The following PTPRN2 variants were observed in gnomAD, a reference collection of about 807,000 sequenced individuals.
PTPRN2 encodes protein tyrosine phosphatase receptor type N2.
A neutral mutation model predicts 118.8 loss-of-function variants in PTPRN2; 74 were observed. That is an observed-to-expected ratio of 0.62 (90% CI 0.52 to 0.76). The LOEUF is 0.76. PTPRN2 is among the 30% of genes least tolerant of loss of function. The probability of loss-of-function intolerance (pLI) is 0.00; values close to 1 mark genes in which losing one functional copy is unlikely to be tolerated. For missense variants in PTPRN2, 1,481 were observed against 1,394.4 expected (o/e 1.06, Z -0.99); for synonymous variants, 641 against 608.0 (o/e 1.05, Z -0.80).
At chr7:158,397,178 C>G (rs890727693) in intron 2 of PTPRN2, among the ~76,000 whole-genome samples, 23 of 152,208 alleles carry the variant, frequency 1.5e-4, no homozygotes, top group Admixed American at 6.5e-4. Context: ...TCCTTCCTTG[C>G]GTAATCTCAA....
At chr7:158,557,647 TG>T (rs1224908977) in intron 1 of PTPRN2, among the ~76,000 whole-genome samples, 5 of 152,368 alleles carry the variant, frequency 3.3e-5, no homozygotes, top group South Asian at 2.1e-4. Flanking sequence ...ATCATGTAGC[TG>T]TATTTCTGGG....
chr7:157,803,682 C>A (rs571453271), intron 12 of PTPRN2, among the ~76,000 whole-genome samples: 37 of 152,156 alleles, frequency 2.4e-4, no homozygotes, highest in African/African-American at 8.7e-4. Flanking sequence ...TGTGAAGAGG[C>A]GACCCTTCCC....
intron 17 of PTPRN2, among the ~76,000 whole-genome samples, chr7:157,588,339 A>T (rs1800792988): frequency 6.6e-6 from 1 of 152,222 alleles, no homozygotes; most frequent in African/African-American, 2.4e-5. Flanking sequence ...GTGGCGCAGC[A>T]GGTGCAGGCA....
rs184046687 is a variant in PTPRN2, at chr7:157,654,008, C to T, written c.2196+2349G>A. Among the ~76,000 whole-genome samples, 377 of 128,070 alleles carry T rather than the reference C, an allele frequency of 2.9e-3. 10 individuals are homozygous for T. The highest frequency in any genetic ancestry group is 0.011 in the African/African-American group (347 of 31,836). 84.0% of individuals were successfully genotyped at this position (128,070 alleles called of 152,430 possible). A position where few individuals can be genotyped will look rare whatever the true frequency, so the allele number is the denominator to read the frequency against. ...TGCCCGCCGCTCCCCACACCCACCC[C>T]GACTCCACACGACGCCCGCCTCTCC... On this transcript the variant is annotated intron_variant, in intron 14 of 22. Transcript: ENST00000389418.
intron 11 of PTPRN2, among the ~76,000 whole-genome samples, chr7:158,062,063 C>A (rs556976542): frequency 1.3e-5 from 2 of 152,248 alleles, no homozygotes; most frequent in Non-Finnish European, 2.9e-5. Context: ...CACCTTGGTG[C>A]GGAAGCCCAG....
intron 2 of PTPRN2, among the ~76,000 whole-genome samples, chr7:158,373,357 C>G (rs879743939): frequency 6.7e-6 from 1 of 150,056 alleles, no homozygotes; most frequent in Non-Finnish European, 1.5e-5. Flanking sequence ...ACTTCTATTC[C>G]AACTGAGTGT....
intron 3 of PTPRN2, among the ~76,000 whole-genome samples, chr7:158,252,724 G>A (rs1489857574): frequency 3.3e-5 from 5 of 152,206 alleles, no homozygotes; most frequent in East Asian, 3.9e-4. Context: ...CAGTTAGATC[G>A]AGTCCAAGCA....
chr7:158,277,722 G>A (rs920786231), intron 3 of PTPRN2, among the ~76,000 whole-genome samples: 7 of 152,150 alleles, frequency 4.6e-5, no homozygotes, highest in African/African-American at 9.7e-5. Flanking sequence ...AACTCTGTAC[G>A]GTCCTCCCTA....
At chr7:158,342,371 A>G (rs1807055172) in intron 2 of PTPRN2, among the ~76,000 whole-genome samples, 1 of 146,004 alleles carries the variant, frequency 6.8e-6, no homozygotes, top group Non-Finnish European at 1.5e-5. Flanking sequence ...CCACACTCTC[A>G]CCATAAGAGC....
intron 1 of PTPRN2, among the ~76,000 whole-genome samples, chr7:158,519,600 TC>T (rs1191000295): frequency 6.6e-5 from 10 of 152,072 alleles, no homozygotes; most frequent in African/African-American, 1.9e-4. Context: ...TCTCCTGCAC[TC>T]TCCATGTTGA....
intron 12 of PTPRN2, among the ~76,000 whole-genome samples, chr7:157,896,362 GC>G (rs1184720250): frequency 6.6e-6 from 1 of 152,208 alleles, no homozygotes; most frequent in African/African-American, 2.4e-5. Flanking sequence ...CAGCGACCAG[GC>G]CCTGTGGCTC....
chr7:157,743,134 C>T (rs1800729371), intron 12 of PTPRN2, among the ~76,000 whole-genome samples: 1 of 152,216 alleles, frequency 6.6e-6, no homozygotes, highest in African/African-American at 2.4e-5. Flanking sequence ...GGGCAGCTCC[C>T]TGCATCTGAC....
intron 1 of PTPRN2, among the ~76,000 whole-genome samples, chr7:158,494,982 C>T (rs889466449): frequency 6.6e-6 from 1 of 152,198 alleles, no homozygotes; most frequent in Non-Finnish European, 1.5e-5. Context: ...CACGCCCAAT[C>T]CGACCCTGTT....
At chr7:158,214,340 G>T (rs1827816505) in intron 3 of PTPRN2, among the ~76,000 whole-genome samples, 1 of 151,300 alleles carries the variant, frequency 6.6e-6, no homozygotes, top group African/African-American at 2.4e-5. Flanking sequence ...TTTTCTTTTT[G>T]CCTCAGGTAC....
At chr7:158,413,158 C>T (rs1006038882) in intron 2 of PTPRN2, among the ~76,000 whole-genome samples, 1 of 152,248 alleles carries the variant, frequency 6.6e-6, no homozygotes, top group Non-Finnish European at 1.5e-5. Flanking sequence ...ACATGGCTCC[C>T]TTCCCTCTCG....
intron 13 of PTPRN2, among the ~76,000 whole-genome samples, chr7:157,681,589 T>C (rs1796918473): frequency 6.6e-6 from 1 of 152,196 alleles, no homozygotes; most frequent in South Asian, 2.1e-4. Flanking sequence ...AGCTGTCTTG[T>C]GGTCAATCTC....
intron 21 of PTPRN2, among the ~76,000 whole-genome samples, chr7:157,557,348 C>T (rs1391363829): frequency 6.6e-6 from 1 of 152,048 alleles, no homozygotes; most frequent in Non-Finnish European, 1.5e-5. Flanking sequence ...CATGCACATC[C>T]TTTATACCTA....
At chr7:158,363,598 G>C (rs564342449) in intron 2 of PTPRN2, among the ~76,000 whole-genome samples, 8 of 152,158 alleles carry the variant, frequency 5.3e-5, no homozygotes, top group African/African-American at 1.9e-4. Context: ...ACATAAAATC[G>C]TGCCTGCCTA....
At chr7:157,561,878 G>T (rs1057249705) in intron 21 of PTPRN2, among the ~76,000 whole-genome samples, 3 of 152,256 alleles carry the variant, frequency 2.0e-5, no homozygotes, top group African/African-American at 7.2e-5. Context: ...CGCCTGGCAG[G>T]CAGCAGGTGC....
Sources: allele counts gnomAD v4.1 joint callset (sites outside exome capture counted in the v4.1 genomes callset), GRCh38; gene constraint gnomAD v4.1.1; transcripts MANE v1.5; gene names NCBI Gene and HGNC (gene_info 2026-07-23, HGNC 2026-07-21).